FARS2: variants seen among roughly 807,000 people sequenced by gnomAD.
FARS2 encodes phenylalanyl-tRNA synthetase 2, mitochondrial, also known as phenylalanine--tRNA ligase, mitochondrial.
In FARS2, 40 loss-of-function variants were observed where a neutral mutation model predicts 46.4. The ratio of observed to expected loss-of-function variants is 0.86; its 90% CI spans 0.67 to 1.12. FARS2 has a LOEUF of 1.12. Among genes scored for constraint, FARS2 ranks in the 50% most tolerant of loss-of-function variants. The pLI is 0.00. For synonymous variants in FARS2, 234 were observed against 214.9 expected, an observed-to-expected ratio of 1.09 and a Z score of -0.78; for missense variants, 513 against 567.9, an observed-to-expected ratio of 0.90 and a Z score of 0.98.
At chr6:5,645,505 A>G (rs1465878668) in intron 6 of FARS2, among the ~76,000 whole-genome samples, 2 of 152,210 alleles carry the variant, frequency 1.3e-5, no homozygotes, top group Non-Finnish European at 2.9e-5. Flanking sequence ...AGATTCATTT[A>G]GGAATGACGA....
chr6:5,315,741 C>CTTTCTTTCTTTCTTTCTTCCTTT (rs755531154), intron 1 of FARS2, among the ~76,000 whole-genome samples: 3 of 60,004 alleles, frequency 5.0e-5, no homozygotes, highest in African/African-American at 9.0e-5. Context: ...TTTCTTTTTT[C>CTTTCTTTCTTTCTTTCTTCCTTT]CTTTCTTTCT....
chr6:5,572,225 A>G (rs1457458084), intron 5 of FARS2, among the ~76,000 whole-genome samples: 2 of 152,160 alleles, frequency 1.3e-5, no homozygotes, highest in Admixed American at 1.3e-4. Context: ...AGGAGGCCTC[A>G]GGAAGCTTAC....
At chr6:5,499,964 A>C (rs550253005) in intron 4 of FARS2, among the ~76,000 whole-genome samples, 3 of 152,288 alleles carry the variant, frequency 2.0e-5, no homozygotes, top group Non-Finnish European at 4.4e-5. Flanking sequence ...CTCTGCATAC[A>C]TTAATACAAG....
chr6:5,342,590 T>TA (rs1771733809), intron 1 of FARS2, among the ~76,000 whole-genome samples: 1 of 151,920 alleles, frequency 6.6e-6, no homozygotes, highest in African/African-American at 2.4e-5. Flanking sequence ...CTGTCTCTAC[T>TA]AAAAATACAA....
At chr6:5,731,187 CT>C (rs1359507810) in intron 6 of FARS2, among the ~76,000 whole-genome samples, 1 of 152,152 alleles carries the variant, frequency 6.6e-6, no homozygotes, top group Non-Finnish European at 1.5e-5. Flanking sequence ...CATAAAGAAA[CT>C]GGGAAAATGA....
chr6:5,496,974 G>A (rs1345705931), intron 4 of FARS2, among the ~76,000 whole-genome samples: 2 of 152,034 alleles, frequency 1.3e-5, no homozygotes, highest in African/African-American at 4.8e-5. Context: ...ATGCACCTCT[G>A]CACCCAGCTG....
chr6:5,507,713 C>T (rs1768181540), intron 4 of FARS2, among the ~76,000 whole-genome samples: 1 of 152,218 alleles, frequency 6.6e-6, no homozygotes, highest in African/African-American at 2.4e-5. Context: ...CCCAGCCCAC[C>T]TCTCAGTGGC....
chr6:5,545,076 C>A, intron 4 of FARS2, 104 bp from the exon 5 acceptor site: 1 of 1,112,470 alleles, frequency 9.0e-7, no homozygotes, highest in Non-Finnish European at 1.3e-6. Context: ...CCTTTGCCCG[C>A]TGGTAGGCAT....
At chr6:5,325,125 C>G (rs1338803327) in intron 1 of FARS2, among the ~76,000 whole-genome samples, 1 of 152,190 alleles carries the variant, frequency 6.6e-6, no homozygotes, top group Non-Finnish European at 1.5e-5. Flanking sequence ...CATTGCTTGG[C>G]TACTCCACAG....
Position 5,311,560 on chromosome 6 carries a change from G to GA in FARS2, c.-22+49907dup, listed in dbSNP as rs1356483820. Reference sequence around the variant, plus strand: ...GCACGACCCTAATAAATGTTCCTTAGAAAAAAATTTCCATAAAATGTTCTT... The same window carrying GA: ...GCACGACCCTAATAAATGTTCCTTAGAAAAAAAATTTCCATAAAATGTTCTT... On this transcript the variant is annotated intron_variant, in intron 1 of 6. Coordinates refer to ENST00000274680, the MANE Select transcript of FARS2 (RefSeq NM_006567.5). The surrounding 1 kb of genome is among the most constrained non-coding windows in gnomAD (Gnocchi z 4.1). Among the ~76,000 whole-genome samples the GA allele has an allele frequency of 2.0e-5, 3 of 152,108 alleles. No homozygotes were observed. The highest frequency in any genetic ancestry group is 7.2e-5 in the African/African-American group (3 of 41,410).
At chr6:5,614,407 T>A (rs1176827411) in intron 6 of FARS2, among the ~76,000 whole-genome samples, 1 of 149,344 alleles carries the variant, frequency 6.7e-6, no homozygotes, top group Non-Finnish European at 1.5e-5. Flanking sequence ...GTTTCCTTCT[T>A]TGTCTTTTTT....
At chr6:5,365,356 G>A in intron 1 of FARS2, among the ~76,000 whole-genome samples, 1 of 96,320 alleles carries the variant, frequency 1.0e-5, no homozygotes, top group East Asian at 3.0e-4. Flanking sequence ...TAGTGAGGCA[G>A]AGTCTCACTC....
intron 5 of FARS2, among the ~76,000 whole-genome samples, chr6:5,565,642 G>A (rs566617698): frequency 1.3e-5 from 2 of 152,182 alleles, no homozygotes; most frequent in South Asian, 4.2e-4. Flanking sequence ...TACAATTTTG[G>A]AACATATATT....
At chr6:5,399,716 T>C (rs955772956) in intron 2 of FARS2, among the ~76,000 whole-genome samples, 2 of 152,196 alleles carry the variant, frequency 1.3e-5, no homozygotes, top group Admixed American at 6.5e-5. Context: ...ACATGAAAGG[T>C]AGCAAGTAAT....
chr6:5,615,424 G>A (rs912641420), intron 6 of FARS2, among the ~76,000 whole-genome samples: 11 of 151,874 alleles, frequency 7.2e-5, no homozygotes, highest in Non-Finnish European at 1.2e-4. Context: ...TTTTCTCCCC[G>A]TTCTGGGTTC....
chr6:5,260,598 T>TGCCCCGGC, upstream of FARS2: 6 of 1,105,562 alleles, frequency 5.4e-6, no homozygotes, highest in Admixed American at 2.1e-5. Context: ...GCACCCCCGG[T>TGCCCCGGC]CCCCGGCCCC....
At chr6:5,338,597 GA>G (rs967290787) in intron 1 of FARS2, among the ~76,000 whole-genome samples, 13 of 100,930 alleles carry the variant, frequency 1.3e-4, no homozygotes, top group Non-Finnish European at 3.6e-5. Flanking sequence ...CACCTGCACA[GA>G]AGTTTACCTC....
At chr6:5,546,993 C>T (rs144667179) in intron 5 of FARS2, among the ~76,000 whole-genome samples, 43 of 151,410 alleles carry the variant, frequency 2.8e-4, no homozygotes, top group African/African-American at 9.7e-4. Context: ...GCTCTGTTCC[C>T]CAGGCTGGAG....
chr6:5,495,629 T>C (rs987081277), intron 4 of FARS2, among the ~76,000 whole-genome samples: 2 of 152,256 alleles, frequency 1.3e-5, no homozygotes, highest in African/African-American at 4.8e-5. Context: ...TCGGGTTTTC[T>C]GTTCTAAATT....
Sources: allele counts gnomAD v4.1 joint callset (sites outside exome capture counted in the v4.1 genomes callset), GRCh38; gene constraint gnomAD v4.1.1; non-coding constraint Gnocchi (gnomAD v3.1); transcripts MANE v1.5; gene names NCBI Gene and HGNC (gene_info 2026-07-23, HGNC 2026-07-21).